NPAS3: variants seen among roughly 807,000 people sequenced by gnomAD.
NPAS3 encodes the protein neuronal PAS domain protein 3.
NPAS3 carries 14 observed loss-of-function variants against 73.1 expected under a neutral mutation model. The observed-to-expected ratio is 0.19, with a 90% confidence interval of 0.13 to 0.30. NPAS3 has a LOEUF of 0.30. NPAS3 is among the 10% of genes least tolerant of loss of function. The pLI, the probability that NPAS3 is intolerant of heterozygous loss-of-function variation, is 1.00. For missense variants in NPAS3, 1,096 were observed against 1,250.0 expected, an observed-to-expected ratio of 0.88 and a Z score of 1.86; for synonymous variants, 620 against 541.5, an observed-to-expected ratio of 1.14 and a Z score of -2.01.
chr14:33,591,048 C>T (rs752169801), intron 5 of NPAS3, among the ~76,000 whole-genome samples: 14 of 152,182 alleles, frequency 9.2e-5, no homozygotes, highest in African/African-American at 1.2e-4. Context: ...TCCTACCACA[C>T]ACGTTGTGGA....
chr14:33,151,496 G>C (rs1191559657), intron 2 of NPAS3, among the ~76,000 whole-genome samples: 1 of 152,172 alleles, frequency 6.6e-6, no homozygotes, highest in Non-Finnish European at 1.5e-5. Context: ...GCATTTTCTT[G>C]TGTATGCCTA....
intron 3 of NPAS3, among the ~76,000 whole-genome samples, chr14:33,234,595 T>C (rs757460250): frequency 3.9e-5 from 6 of 151,978 alleles, no homozygotes; most frequent in African/African-American, 1.2e-4. Flanking sequence ...TTAGAGAGAG[T>C]TGGTGAGCGA....
At chr14:32,960,915 A>T (rs1469735010) in intron 1 of NPAS3, among the ~76,000 whole-genome samples, 1 of 152,222 alleles carries the variant, frequency 6.6e-6, no homozygotes, top group Non-Finnish European at 1.5e-5. Context: ...GTGTTTAAAC[A>T]TGTTCACTAA....
At chr14:33,436,371 G>A (rs531079837) in intron 4 of NPAS3, among the ~76,000 whole-genome samples, 1 of 152,268 alleles carries the variant, frequency 6.6e-6, no homozygotes, top group Admixed American at 6.5e-5. Flanking sequence ...AGGGGCAAGT[G>A]TGGTATATTT....
rs564786144 is a variant in NPAS3, at chr14:33,118,073, A to T, written c.140+62079A>T. ...GTTTTGGGGAGCATATTTCCAGTCTATTTCCCTCTTTTCTTGTAAGGAATT... is the reference window on the plus strand; with the variant it reads ...GTTTTGGGGAGCATATTTCCAGTCTTTTTCCCTCTTTTCTTGTAAGGAATT... On this transcript the variant is annotated intron_variant, in intron 2 of 11. Transcript: ENST00000356141. Among the ~76,000 whole-genome samples, 70 of 152,080 alleles carry T rather than the reference A, an allele frequency of 4.6e-4. 1 individual carries two copies. The highest frequency in any genetic ancestry group is 1.6e-3 in the African/African-American group (66 of 41,506).
At chr14:33,201,526 T>C (rs2046616111) in intron 2 of NPAS3, among the ~76,000 whole-genome samples, 1 of 152,174 alleles carries the variant, frequency 6.6e-6, no homozygotes, top group South Asian at 2.1e-4. Flanking sequence ...GAGATGAATA[T>C]CTCAGCCCAA....
chr14:33,439,686 A>G (rs2049150050), intron 4 of NPAS3, among the ~76,000 whole-genome samples: 1 of 152,262 alleles, frequency 6.6e-6, no homozygotes. Flanking sequence ...AGAATTCCCA[A>G]CCAGTTAGTG....
chr14:33,287,232 G>T (rs1366052817), intron 3 of NPAS3, among the ~76,000 whole-genome samples: 1 of 152,122 alleles, frequency 6.6e-6, no homozygotes, highest in Non-Finnish European at 1.5e-5. Flanking sequence ...TGGGCATCTT[G>T]CTGCAAGCTC....
chr14:33,589,496 T>G (rs1185680760), intron 5 of NPAS3, among the ~76,000 whole-genome samples: 1 of 152,196 alleles, frequency 6.6e-6, no homozygotes, highest in Non-Finnish European at 1.5e-5. Flanking sequence ...CCTGGGAAAG[T>G]TGCCTGAAAT....
chr14:33,124,961 GA>G (rs2043371745), intron 2 of NPAS3, among the ~76,000 whole-genome samples: 1 of 152,084 alleles, frequency 6.6e-6, no homozygotes, highest in African/African-American at 2.4e-5. Flanking sequence ...AGTACATTTG[GA>G]ATAGATGTAG....
intron 4 of NPAS3, among the ~76,000 whole-genome samples, chr14:33,531,282 A>G (rs555221207): frequency 6.6e-6 from 1 of 152,214 alleles, no homozygotes; most frequent in Admixed American, 6.5e-5. Context: ...GTTTAAATTA[A>G]TGTAACCACC....
chr14:33,536,660 T>C (rs950486995), intron 4 of NPAS3, among the ~76,000 whole-genome samples: 1 of 151,452 alleles, frequency 6.6e-6, no homozygotes, highest in Non-Finnish European at 1.5e-5. Context: ...GAACTGGTTT[T>C]CATTGTTATT....
At position 33,149,593 on chromosome 14, in the gene NPAS3, GCTTA is replaced by G. The variant is rs1375027117; in HGVS notation, c.141-65580_141-65577del. 2.6e-5 allele frequency among the ~76,000 whole-genome samples: 4 copies of G among 152,086 alleles called. No homozygotes were observed. In the East Asian group the frequency reaches 7.7e-4, roughly 29 times the overall value. On this transcript the variant is annotated intron_variant, in intron 2 of 11. Coordinates refer to ENST00000356141, the Ensembl canonical transcript of NPAS3. ...AATTGTGTATCCAGCTTGCAAATTG[GCTTA>G]CTTACTTATGTATATAAGTGCTTCC...
In NPAS3 at chr14:33,348,350, C is replaced by G. The variant is rs533417745; in HGVS notation, c.386-18836C>G. Among the ~76,000 whole-genome samples the G allele has an allele frequency of 2.0e-5, 3 of 152,196 alleles. No homozygotes were observed. In the East Asian group the frequency reaches 5.8e-4, roughly 30 times the overall value. ...GCAGGGAGGATGGAACCTTCTTAAG[C>G]ATAGGTAATTTGTCAGTTGAAAATC... is the stretch of plus-strand genomic sequence containing the variant. On this transcript the variant is annotated intron_variant, in intron 3 of 11. Transcript: ENST00000356141.
At chr14:32,954,751 T>A (rs2036609838) in intron 1 of NPAS3, among the ~76,000 whole-genome samples, 1 of 152,170 alleles carries the variant, frequency 6.6e-6, no homozygotes, top group African/African-American at 2.4e-5. Flanking sequence ...CACTCTCAAA[T>A]TGTACTAAAT....
intron 4 of NPAS3, among the ~76,000 whole-genome samples, chr14:33,517,965 C>A (rs2053381390): frequency 6.6e-6 from 1 of 152,084 alleles, no homozygotes; most frequent in South Asian, 2.1e-4. Context: ...ATATAGGTGC[C>A]CTCCTGCCAG....
chr14:33,166,173 G>A (rs1365892574), intron 2 of NPAS3, among the ~76,000 whole-genome samples: 1 of 152,090 alleles, frequency 6.6e-6, no homozygotes, highest in South Asian at 2.1e-4. Context: ...GGTTCAATTT[G>A]CTGCTGTCAT....
At chr14:33,595,811 C>A (rs1373652428) in intron 5 of NPAS3, among the ~76,000 whole-genome samples, 1 of 152,156 alleles carries the variant, frequency 6.6e-6, no homozygotes, top group Non-Finnish European at 1.5e-5. Flanking sequence ...GCTGGGACTA[C>A]AGGTGCCCGC....
chr14:33,780,885 C>A, intron 9 of NPAS3: 1 of 261,246 alleles, frequency 3.8e-6, no homozygotes, highest in South Asian at 3.8e-5. Flanking sequence ...TGATTTTTTT[C>A]ATTACTTGAT....
Sources: allele counts gnomAD v4.1 joint callset (sites outside exome capture counted in the v4.1 genomes callset), GRCh38; gene constraint gnomAD v4.1.1; transcripts MANE v1.5; gene names NCBI Gene and HGNC (gene_info 2026-07-23, HGNC 2026-07-21).